The following TOR1AIP2 variants were observed in gnomAD, a reference collection of about 807,000 sequenced individuals.
TOR1AIP2 encodes torsin 1A interacting protein 2.
In TOR1AIP2, 20 loss-of-function variants were observed where a neutral mutation model predicts 32.6. The observed-to-expected ratio is 0.61, with a 90% CI of 0.43 to 0.89. The LOEUF (loss-of-function observed/expected upper bound fraction) is 0.89, where lower values mean the gene tolerates loss of function less well. Among genes scored for constraint, TOR1AIP2 ranks in the 40% least tolerant of loss-of-function variants. The pLI, the probability that TOR1AIP2 is intolerant of heterozygous loss-of-function variation, is 0.00. For missense variants in TOR1AIP2, 456 were observed against 553.8 expected, an observed-to-expected ratio of 0.82 and a Z score of 1.77; for synonymous variants, 214 against 210.8, an observed-to-expected ratio of 1.02 and a Z score of -0.13.
chr1:179,851,358 G>T lies in TOR1AIP2; in HGVS notation c.40C>A (p.Gln14Lys). ...GATGGATCATTTTCCAAATCCTTTT[G>T]AGAGTCTATTGAGATAAAAGTTTAT... ...SGLREPQEDS[Q>K]KDLENDPSVN... Residue 14 changes from glutamine to lysine, a missense_variant, in exon 5 of 7, where the codon CAA becomes AAA. Physicochemically the swap from Gln to Lys is moderately conservative, Grantham distance 53. Transcript: ENST00000609928. The T allele has an allele frequency of 6.4e-7, 1 of 1,553,104 alleles. No homozygotes were observed. The highest frequency in any genetic ancestry group is 8.6e-7 in the Non-Finnish European group (1 of 1,158,862).
At chr1:179,864,998 C>T in intron 3 of TOR1AIP2, 1 of 1,614,050 alleles carries the variant, frequency 6.2e-7, no homozygotes, top group Non-Finnish European at 8.5e-7. Context: ...AACAAGGCTT[C>T]TATTAGCAGG....
intron 3 of TOR1AIP2, chr1:179,861,595 T>A (rs1696534319): frequency 2.0e-6 from 2 of 985,320 alleles, no homozygotes; most frequent in African/African-American, 1.7e-5. Context: ...GACTGAAACA[T>A]TCCTGATTAG....
chr1:179,860,147 TATA>T (rs1220819208), intron 3 of TOR1AIP2: 1 of 985,260 alleles, frequency 1.0e-6, no homozygotes, highest in Non-Finnish European at 1.2e-6. Context: ...CCAATAAGTT[TATA>T]ATAATTCAGC....
intron 3 of TOR1AIP2, among the ~76,000 whole-genome samples, chr1:179,853,540 T>C (rs1053421214): frequency 6.6e-6 from 1 of 152,356 alleles, no homozygotes; most frequent in African/African-American, 2.4e-5. Context: ...TTAATATTTA[T>C]TCCCTATGAA....
chr1:179,861,232 G>C, intron 3 of TOR1AIP2: 3 of 985,334 alleles, frequency 3.0e-6, no homozygotes, highest in Non-Finnish European at 3.6e-6. Flanking sequence ...CAGATCATTT[G>C]TCATTACAAT....
intron 3 of TOR1AIP2, among the ~76,000 whole-genome samples, chr1:179,853,520 A>G (rs1183577878): frequency 1.3e-5 from 2 of 152,230 alleles, no homozygotes; most frequent in African/African-American, 4.8e-5. Context: ...AAATTGATCA[A>G]TAAAGTTACT....
chr1:179,874,055 T>C (rs1697104363), intron 2 of TOR1AIP2: 1 of 152,250 alleles, frequency 6.6e-6, no homozygotes, highest in Non-Finnish European at 1.5e-5. Flanking sequence ...TACTGGGGTA[T>C]AACTATCAAG....
At chr1:179,849,544 A>G (rs1272212133) in intron 5 of TOR1AIP2, among the ~76,000 whole-genome samples, 2 of 152,170 alleles carry the variant, frequency 1.3e-5, no homozygotes, top group Non-Finnish European at 2.9e-5. Context: ...TTTTTTAAAC[A>G]ATATTTTTTC....
chr1:179,843,668 T>C lies in TOR1AIP2; in HGVS notation c.*2403A>G, dbSNP rs1695798525. On this transcript the variant is annotated 3_prime_UTR_variant, in exon 7 of 7. Transcript: ENST00000609928. ...AAGACCCTGTCTCTATACAAAATAGTGTGGTAGAGTGGTGTGGTAGTCTGC... is the reference window on the plus strand; with the variant it reads ...AAGACCCTGTCTCTATACAAAATAGCGTGGTAGAGTGGTGTGGTAGTCTGC... 1 of 150,696 alleles carries C rather than the reference T, an allele frequency of 6.6e-6. No homozygotes were observed. Among genetic ancestry groups the C allele is most frequent in the Admixed American group, 6.6e-5 (1 of 15,116 alleles). 9.3% of individuals were successfully genotyped at this position (150,696 alleles called of 1,614,324 possible).
chr1:179,856,328 C>G (rs943208638), intron 3 of TOR1AIP2, among the ~76,000 whole-genome samples: 5 of 152,208 alleles, frequency 3.3e-5, no homozygotes, highest in Admixed American at 3.3e-4. Context: ...AAATGTATTA[C>G]TTGGTTACTA....
rs375003867 is a variant in TOR1AIP2, at chr1:179,850,832, G to A, written c.553+13C>T. On this transcript the variant is annotated intron_variant, in intron 5 of 6. Transcript: ENST00000609928. ...AGTACAAAACAGGAGAGTAGTTCAG[G>A]GGGTTCTCTTACCTGGGGCCAGCAG... 6.2e-7 allele frequency: 1 copy of A among 1,610,320 alleles called. No individual in the cohort carries two copies. Among genetic ancestry groups the A allele is most frequent in the East Asian group, 2.2e-5 (1 of 44,816 alleles).
chr1:179,868,076 CACAGCTTCAAT>C (rs1696858845), intron 2 of TOR1AIP2: 1 of 152,264 alleles, frequency 6.6e-6, no homozygotes, highest in Non-Finnish European at 1.5e-5. Context: ...CCCCAACACT[CACAGCTTCAAT>C]ACAGCTTCAA....
intron 5 of TOR1AIP2, among the ~76,000 whole-genome samples, chr1:179,847,860 C>A (rs1170670427): frequency 6.6e-6 from 1 of 151,990 alleles, no homozygotes; most frequent in Admixed American, 6.6e-5. Flanking sequence ...AAGGTGAAAC[C>A]CTGTCTCTAC....
intron 3 of TOR1AIP2, chr1:179,864,675 A>C: frequency 6.7e-7 from 1 of 1,493,602 alleles, no homozygotes; most frequent in Admixed American, 2.3e-5. Flanking sequence ...GCAGTTCCCA[A>C]AGTAGTGACA....
chr1:179,862,309 G>A, intron 3 of TOR1AIP2: 1 of 982,348 alleles, frequency 1.0e-6, no homozygotes, highest in Non-Finnish European at 1.2e-6. Context: ...AAATTTAGGG[G>A]CAATAATACT....
intron 3 of TOR1AIP2, among the ~76,000 whole-genome samples, chr1:179,856,621 CT>C (rs144054038): frequency 0.13 from 20,510 of 152,008 alleles, 1,761 homozygotes; most frequent in Non-Finnish European, 0.17. Flanking sequence ...GCAGGTCAAT[CT>C]TTTTTTCCCC....
rs904528022 is a variant in TOR1AIP2, at chr1:179,865,712, G to A, written c.-423C>T. 1 of 153,082 alleles carries A rather than the reference G, an allele frequency of 6.5e-6. No individual in the cohort carries two copies. Among genetic ancestry groups the A allele is most frequent in the African/African-American group, 2.4e-5 (1 of 41,462 alleles). 9.5% of individuals were successfully genotyped at this position (153,082 alleles called of 1,614,324 possible). Reference sequence around the variant, plus strand: ...TAAGGCCTTGGCACTTTATAGCAATGTAGAGGGGTCAGAAAAACCTGGCAG... The same window carrying A: ...TAAGGCCTTGGCACTTTATAGCAATATAGAGGGGTCAGAAAAACCTGGCAG... On this transcript the variant is annotated 5_prime_UTR_variant, in exon 3 of 7. Transcript: ENST00000609928.
rs201270641 is a variant in TOR1AIP2 at position 179,846,284 on chromosome 1, T to C, written c.1200A>G (p.Leu400=). 4.3e-6 allele frequency: 7 copies of C among 1,614,214 alleles called. No individual in the cohort carries two copies. Among genetic ancestry groups the C allele is most frequent in the African/African-American group, 1.3e-5 (1 of 75,054 alleles). ...KDVALVLTVL[L]EEETLEASVG... ...CACTTGCTTCTAATGTTTCCTCCTC[T>C]AGCAGAACAGTCAGGACCAGGGCCA... is the stretch of plus-strand genomic sequence containing the variant. The change falls in exon 7 of 7, where the codon CTA becomes CTG. Residue 400 remains leucine, a synonymous_variant. Transcript: ENST00000609928.
At chr1:179,864,378 A>G (rs775654586) in intron 3 of TOR1AIP2, 24 of 991,502 alleles carry the variant, frequency 2.4e-5, no homozygotes, top group African/African-American at 8.7e-5. Flanking sequence ...GGATCCAGCT[A>G]TAACGAGGCT....
Sources: allele counts gnomAD v4.1 joint callset (sites outside exome capture counted in the v4.1 genomes callset), GRCh38; gene constraint gnomAD v4.1.1; transcripts MANE v1.5; gene names NCBI Gene and HGNC (gene_info 2026-07-23, HGNC 2026-07-21).